NPFFR1: variants seen among roughly 807,000 people sequenced by gnomAD.
NPFFR1 encodes the protein G-protein coupled receptor 147.
A neutral mutation model predicts 12.7 loss-of-function variants in NPFFR1; 17 were observed. That is an observed-to-expected ratio of 1.34 (90% CI 0.92 to 2.01). The LOEUF (loss-of-function observed/expected upper bound fraction) is 2.01. Among genes scored for constraint, NPFFR1 ranks in the 30% most tolerant of loss-of-function variants. NPFFR1 has a pLI of 0.00. For synonymous variants in NPFFR1, 296 were observed against 264.5 expected (o/e 1.12, Z -1.16); for missense variants, 604 against 606.5 (o/e 1.00, Z 0.04).
chr10:70,268,657 C>T (rs975232923), intron 1 of NPFFR1, among the ~76,000 whole-genome samples: 1 of 152,144 alleles, frequency 6.6e-6, no homozygotes, highest in African/African-American at 2.4e-5. Context: ...CACTCAGCCT[C>T]TCATCCTCCA....
At position 70,266,359 on chromosome 10, in the gene NPFFR1, G is replaced by A. The variant is rs1482421239; in HGVS notation, c.40C>T (p.Pro14Ser). The A allele has an allele frequency of 1.9e-6, 3 of 1,613,310 alleles. No homozygotes were observed. Among genetic ancestry groups the A allele is most frequent in the African/African-American group, 2.7e-5 (2 of 74,918 alleles). Residue 14 changes from proline to serine, a missense_variant, in exon 2 of 4, where the codon CCC becomes TCC. Transcript: ENST00000277942. ...GTGTTAGTCCCATTCTGACTTAGGG[G>A]CCAACTGCTGTTGGGAGGCTGGGAG... ...EPSQPPNSSW[P>S]LSQNGTNTEA...
At chr10:70,283,566 C>T in intron 1 of NPFFR1, 104 bp downstream of exon 1, 1 of 1,128,052 alleles carries the variant, frequency 8.9e-7, no homozygotes, top group Non-Finnish European at 1.3e-6. Flanking sequence ...TGGCTCTGGA[C>T]AGCCATGGGT....
At position 70,260,671 on chromosome 10, in the gene NPFFR1, C is replaced by T. The variant is rs199782769; in HGVS notation, c.391G>A (p.Val131Ile). 2,170 of 1,611,108 alleles carry T rather than the reference C, an allele frequency of 1.3e-3. 3 individuals carry two copies. The highest frequency in any genetic ancestry group is 1.7e-3 in the Non-Finnish European group (1,982 of 1,178,716). ...LVQGMSVSASVFTLVAIAVER... is the reference protein window; with the variant it reads ...LVQGMSVSASIFTLVAIAVER... ...ACAGCAATGGCCACCAGTGTGAAAA[C>T]GGAAGCCGACACAGACATGCCCTGC... Residue 131 changes from valine (V) to isoleucine (I), a missense_variant, in exon 3 of 4, where the codon GTT (valine) becomes ATT (isoleucine). Coordinates refer to ENST00000277942, the MANE Select transcript of NPFFR1 (RefSeq NM_022146.5).
intron 2 of NPFFR1, among the ~76,000 whole-genome samples, chr10:70,264,562 T>G (rs1329928114): frequency 6.6e-6 from 1 of 152,048 alleles, no homozygotes; most frequent in Non-Finnish European, 1.5e-5. Context: ...GATAACAACA[T>G]GTAAGTTTAT....
At chr10:70,283,643 C>G (rs1449874450) in intron 1 of NPFFR1, 27 bp downstream of exon 1, 8 of 1,533,746 alleles carry the variant, frequency 5.2e-6, no homozygotes, top group Admixed American at 2.0e-5. Flanking sequence ...TGCCCCACGG[C>G]TGGCCCCCAG....
intron 1 of NPFFR1, among the ~76,000 whole-genome samples, chr10:70,273,060 A>G (rs887173584): frequency 6.6e-6 from 1 of 152,192 alleles, no homozygotes; most frequent in Admixed American, 6.5e-5. Flanking sequence ...TTCTAATCAG[A>G]AGGAAACTGA....
chr10:70,283,132 TTGTGTG>T (rs56036699), intron 1 of NPFFR1, among the ~76,000 whole-genome samples: 4 of 149,548 alleles, frequency 2.7e-5, no homozygotes, highest in East Asian at 4.0e-4. Context: ...CTCTCTCTTT[TTGTGTG>T]TGTGTGTGTG....
At chr10:70,273,092 G>A (rs1429516527) in intron 1 of NPFFR1, among the ~76,000 whole-genome samples, 5 of 152,182 alleles carry the variant, frequency 3.3e-5, no homozygotes, top group African/African-American at 4.8e-5. Flanking sequence ...AAATACTGAT[G>A]ATGTCACTGG....
At chr10:70,279,102 T>C (rs924173036) in intron 1 of NPFFR1, among the ~76,000 whole-genome samples, 2 of 152,202 alleles carry the variant, frequency 1.3e-5, no homozygotes, top group African/African-American at 4.8e-5. Flanking sequence ...TTTTTTGTGG[T>C]GAAAACATCT....
At position 70,283,813 on chromosome 10, in the gene NPFFR1, C is replaced by G. The variant is rs1840886895; in HGVS notation, c.-137G>C. 1 of 978,206 alleles carries G rather than the reference C, an allele frequency of 1.0e-6. No homozygotes were observed. Among genetic ancestry groups the G allele is most frequent in the African/African-American group, 1.6e-5 (1 of 62,394 alleles). 60.6% of individuals were successfully genotyped at this position (978,206 alleles called of 1,614,324 possible). On this transcript the variant is annotated 5_prime_UTR_variant, in exon 1 of 4. Transcript: ENST00000277942. ...TGCCTCCGCGCTCCGCAGGTCCGGTCGGTCCGGGCAGAGGTGAGCAGGGGG... is the reference window on the plus strand; with the variant it reads ...TGCCTCCGCGCTCCGCAGGTCCGGTGGGTCCGGGCAGAGGTGAGCAGGGGG...
rs574267280 is a variant in NPFFR1, at chr10:70,266,399, C to G, written c.8-8G>C. ...GAGGCTGGGAGGGCTCCCCTAGGAC[C>G]AAAGGAATATATTGGTCAGGACCTT... On this transcript the variant is annotated splice_region_variant and splice_polypyrimidine_tract_variant and intron_variant, in intron 1 of 3. Transcript: ENST00000277942. 1 of 1,605,884 alleles carries G rather than the reference C, an allele frequency of 6.2e-7. No individual in the cohort carries two copies. Among genetic ancestry groups the G allele is most frequent in the African/African-American group, 1.3e-5 (1 of 74,860 alleles).
chr10:70,254,944 T>G lies in NPFFR1; in HGVS notation c.*13A>C. 1 of 944,818 alleles carries G rather than the reference T, an allele frequency of 1.1e-6. No individual in the cohort carries two copies. Among genetic ancestry groups the G allele is most frequent in the Non-Finnish European group, 1.4e-6 (1 of 711,388 alleles). The allele number at this position is 944,818 out of a possible 1,614,324, so 58.5% of individuals were successfully genotyped here. ...GGGGCCCTGAGGCAGCGTCCCGCCC[T>G]CCCTGGACCCCCTCAGATATCCCAG... On this transcript the variant is annotated 3_prime_UTR_variant, in exon 4 of 4. Transcript: ENST00000277942.
chr10:70,277,908 C>T, intron 1 of NPFFR1: 1 of 516,086 alleles, frequency 1.9e-6, no homozygotes, highest in Non-Finnish European at 3.9e-6. Flanking sequence ...GCTTGGCAGA[C>T]TGCAGTGTCT....
intron 2 of NPFFR1, among the ~76,000 whole-genome samples, chr10:70,264,689 G>T (rs533804598): frequency 6.6e-6 from 1 of 152,160 alleles, no homozygotes; most frequent in African/African-American, 2.4e-5. Flanking sequence ...GCTTGCACTC[G>T]CATAAAATAG....
intron 1 of NPFFR1, among the ~76,000 whole-genome samples, chr10:70,270,486 C>G (rs956021893): frequency 1.2e-4 from 19 of 152,198 alleles, no homozygotes; most frequent in African/African-American, 4.3e-4. Context: ...GTCCATTTCC[C>G]CCACTATCCT....
chr10:70,265,394 T>G (rs572731790), intron 2 of NPFFR1, among the ~76,000 whole-genome samples: 1 of 151,982 alleles, frequency 6.6e-6, no homozygotes, highest in Middle Eastern at 3.4e-3. Context: ...CATGAGAGAG[T>G]AGAGAGTAGA....
At chr10:70,275,476 C>T (rs1840794660) in intron 1 of NPFFR1, among the ~76,000 whole-genome samples, 1 of 152,136 alleles carries the variant, frequency 6.6e-6, no homozygotes, top group Non-Finnish European at 1.5e-5. Context: ...AAACATATGC[C>T]CTGGAGCACC....
Position 70,283,971 on chromosome 10 carries a change from C to A in NPFFR1, c.-295G>T, listed in dbSNP as rs1258366403. Among the ~76,000 whole-genome samples the A allele has an allele frequency of 4.6e-5, 7 of 152,236 alleles. No homozygotes were observed. In the East Asian group the frequency reaches 1.4e-3, roughly 29 times the overall value. ...TCCCGACCAGGGGAAGGAGGGGGCT[C>A]GTGAGGCGCAGTCGTCATGGCACCC... On this transcript the variant is annotated 5_prime_UTR_variant, in exon 1 of 4. It introduces an in-frame stop codon into an upstream open reading frame of the 5' UTR. Transcript: ENST00000277942.
At chr10:70,259,967 C>A (rs1290234881) in intron 3 of NPFFR1, among the ~76,000 whole-genome samples, 4 of 152,292 alleles carry the variant, frequency 2.6e-5, no homozygotes, top group East Asian at 1.9e-4. Flanking sequence ...TGGGGTGAAG[C>A]ACCCAGAGGG....
Sources: allele counts gnomAD v4.1 joint callset (sites outside exome capture counted in the v4.1 genomes callset), GRCh38; gene constraint gnomAD v4.1.1; transcripts MANE v1.5; gene names NCBI Gene and HGNC (gene_info 2026-07-23, HGNC 2026-07-21).